CNTN5: variants seen among roughly 807,000 people sequenced by gnomAD.
The protein encoded by CNTN5 is contactin-5.
Under a neutral mutation model 129.1 loss-of-function variants are expected in CNTN5, and 77 were observed. The ratio of observed to expected loss-of-function variants is 0.60; its 90% CI spans 0.50 to 0.72. CNTN5 has a LOEUF of 0.72. CNTN5 is among the 30% of genes least tolerant of loss of function. CNTN5 has a pLI of 0.00. For synonymous variants in CNTN5, 509 were observed against 465.6 expected, an observed-to-expected ratio of 1.09 and a Z score of -1.20; for missense variants, 1,478 against 1,328.8, an observed-to-expected ratio of 1.11 and a Z score of -1.75.
At chr11:99,496,916 A>T (rs532041459) in intron 2 of CNTN5, among the ~76,000 whole-genome samples, 24 of 152,348 alleles carry the variant, frequency 1.6e-4, no homozygotes, top group African/African-American at 5.3e-4. Context: ...GAAGCAAAAC[A>T]TACTGGTTAA....
At chr11:99,577,251 G>A (rs976607217) in intron 3 of CNTN5, among the ~76,000 whole-genome samples, 1 of 152,164 alleles carries the variant, frequency 6.6e-6, no homozygotes, top group African/African-American at 2.4e-5. Flanking sequence ...ACATAGAGTT[G>A]TAGCTCTGCC....
At position 100,318,248 on chromosome 11, in the gene CNTN5, A is replaced by AC. The variant is rs1195505039; in HGVS notation, c.2730+9780_2730+9781insC. On this transcript the variant is annotated intron_variant, in intron 21 of 24. Coordinates refer to ENST00000524871, the MANE Select transcript of CNTN5 (RefSeq NM_014361.4). Reference sequence around the variant, plus strand: ...AGAGCGAGACTCTGTCTCAGAAAAAAAAAAAAAAAAAAAAAAGTCTCATTT... The same window carrying AC: ...AGAGCGAGACTCTGTCTCAGAAAAAACAAAAAAAAAAAAAAAAGTCTCATTT... Among the ~76,000 whole-genome samples, 24 of 151,362 alleles carry AC rather than the reference A, an allele frequency of 1.6e-4. No individual in the cohort carries two copies. In the East Asian group the frequency reaches 4.3e-3, roughly 27 times the overall value.
chr11:99,358,863 G>T (rs781293868), intron 2 of CNTN5, among the ~76,000 whole-genome samples: 3 of 151,900 alleles, frequency 2.0e-5, no homozygotes, highest in Non-Finnish European at 4.4e-5. Flanking sequence ...TCAGAATTAT[G>T]TATGCAATGA....
intron 3 of CNTN5, among the ~76,000 whole-genome samples, chr11:99,743,583 G>C (rs1009841293): frequency 6.6e-6 from 1 of 152,130 alleles, no homozygotes; most frequent in Non-Finnish European, 1.5e-5. Flanking sequence ...TAAGTAATGA[G>C]TGTTTCTTAC....
intron 1 of CNTN5, among the ~76,000 whole-genome samples, chr11:99,170,448 T>C (rs1372274541): frequency 6.6e-6 from 1 of 152,186 alleles, no homozygotes; most frequent in Non-Finnish European, 1.5e-5. Flanking sequence ...ACTTTATCTC[T>C]AAGGGGCTTA....
intron 6 of CNTN5, among the ~76,000 whole-genome samples, chr11:99,880,394 T>C (rs1948741026): frequency 6.6e-6 from 1 of 152,072 alleles, no homozygotes; most frequent in Admixed American, 6.5e-5. Context: ...GAAAAGTAAA[T>C]ACAAATATGA....
intron 1 of CNTN5, among the ~76,000 whole-genome samples, chr11:99,272,971 T>C (rs1396858073): frequency 1.3e-5 from 2 of 151,930 alleles, no homozygotes; most frequent in Middle Eastern, 3.4e-3. Context: ...GAGAGTGAAG[T>C]ATAAGTTACA....
Position 99,382,845 on chromosome 11 carries a change from C to CCTTTT in CNTN5, c.-71+57361_-71+57362insCTTTT, listed in dbSNP as rs1417732458. On this transcript the variant is annotated intron_variant, in intron 2 of 24. Transcript: ENST00000524871. ...ACATCTCACTAGTGTCTCTAAATAA[C>CCTTTT]TTTTTTTTTTTTTTTTTTTTTTTTT... Among the ~76,000 whole-genome samples, 6 of 77,044 alleles carry CCTTTT rather than the reference C, an allele frequency of 7.8e-5. No individual in the cohort carries two copies. The East Asian group carries it at 2.1e-3, about 27-fold the overall frequency. The allele number at this position is 77,044 out of a possible 152,430, so 50.5% of individuals were successfully genotyped here. A position where few individuals can be genotyped will look rare whatever the true frequency, so the allele number is the denominator to read the frequency against.
At chr11:99,282,857 G>T (rs1353139772) in intron 1 of CNTN5, among the ~76,000 whole-genome samples, 1 of 152,198 alleles carries the variant, frequency 6.6e-6, no homozygotes, top group East Asian at 1.9e-4. Flanking sequence ...GTCAGCATCT[G>T]TGGAATTATC....
At chr11:99,484,595 A>G (rs186826775) in intron 2 of CNTN5, among the ~76,000 whole-genome samples, 18 of 152,308 alleles carry the variant, frequency 1.2e-4, no homozygotes, top group South Asian at 4.1e-4. Context: ...TTATTATGGT[A>G]TTATTCACAA....
chr11:99,864,194 T>C (rs1360697331), intron 6 of CNTN5, among the ~76,000 whole-genome samples: 1 of 152,142 alleles, frequency 6.6e-6, no homozygotes, highest in African/African-American at 2.4e-5. Context: ...CTTATATACT[T>C]GTTTTTTTGT....
intron 6 of CNTN5, among the ~76,000 whole-genome samples, chr11:99,868,878 T>A (rs1206838506): frequency 6.6e-6 from 1 of 152,162 alleles, no homozygotes; most frequent in Non-Finnish European, 1.5e-5. Context: ...AACCATGTTT[T>A]AGGTACATTA....
At chr11:99,599,839 A>G (rs1950259144) in intron 3 of CNTN5, among the ~76,000 whole-genome samples, 1 of 152,178 alleles carries the variant, frequency 6.6e-6, no homozygotes, top group South Asian at 2.1e-4. Flanking sequence ...AAAATGACAG[A>G]TTTACAAAAA....
intron 18 of CNTN5, among the ~76,000 whole-genome samples, chr11:100,275,840 A>G (rs984709427): frequency 1.3e-5 from 2 of 152,320 alleles, no homozygotes; most frequent in South Asian, 4.1e-4. Flanking sequence ...CTGTGGTACT[A>G]CATAGGGTTA....
intron 20 of CNTN5, among the ~76,000 whole-genome samples, chr11:100,305,375 G>A (rs983087114): frequency 6.6e-6 from 1 of 151,590 alleles, no homozygotes; most frequent in African/African-American, 2.4e-5. Flanking sequence ...AGAAGCACAT[G>A]CCCAGACTGA....
chr11:99,493,907 C>T (rs1420723491), intron 2 of CNTN5, among the ~76,000 whole-genome samples: 1 of 151,992 alleles, frequency 6.6e-6, no homozygotes, highest in African/African-American at 2.4e-5. Context: ...CAAAAGCAAT[C>T]TATATAGTCA....
intron 9 of CNTN5, among the ~76,000 whole-genome samples, chr11:100,035,864 T>C (rs913762597): frequency 7.9e-4 from 120 of 152,316 alleles, no homozygotes; most frequent in African/African-American, 2.7e-3. Flanking sequence ...ATTCTGGATA[T>C]TAGCCCTTTG....
At chr11:99,866,226 C>G (rs1045048065) in intron 6 of CNTN5, among the ~76,000 whole-genome samples, 38 of 152,254 alleles carry the variant, frequency 2.5e-4, no homozygotes, top group African/African-American at 9.1e-4. Context: ...ATAACCCAAA[C>G]TTTTTTCCCC....
At chr11:100,204,676 T>C (rs1235885386) in intron 15 of CNTN5, among the ~76,000 whole-genome samples, 1 of 149,554 alleles carries the variant, frequency 6.7e-6, no homozygotes, top group Non-Finnish European at 1.5e-5. Flanking sequence ...GATAAACATG[T>C]TTATTCATTT....
Sources: gnomAD v4.1 joint callset for allele counts (sites outside exome capture counted in the v4.1 genomes callset) on GRCh38, gnomAD v4.1.1 for gene constraint, MANE v1.5 for transcripts, NCBI Gene and HGNC (gene_info 2026-07-23, HGNC 2026-07-21) for gene names.